PDZRN4: variants seen among roughly 807,000 people sequenced by gnomAD.
PDZRN4 encodes the protein PDZ domain containing ring finger 4.
A neutral mutation model predicts 99.0 loss-of-function variants in PDZRN4; 70 were observed. The observed-to-expected ratio is 0.71, with a 90% CI of 0.58 to 0.86. The LOEUF (loss-of-function observed/expected upper bound fraction) is 0.86. Ranked by LOEUF, PDZRN4 falls within the 40% of genes least tolerant of loss-of-function variation. PDZRN4 has a pLI of 0.00. For missense variants in PDZRN4, 1,474 were observed against 1,331.2 expected (o/e 1.11, Z -1.67); for synonymous variants, 551 against 501.6 (o/e 1.10, Z -1.32).
chr12:41,508,888 T>G (rs887295338), intron 4 of PDZRN4, among the ~76,000 whole-genome samples: 2 of 152,150 alleles, frequency 1.3e-5, no homozygotes, highest in South Asian at 4.1e-4. Context: ...AGATCCACAC[T>G]GGCAGGAGTT....
At chr12:41,548,661 G>A (rs974638783) in intron 5 of PDZRN4, among the ~76,000 whole-genome samples, 13 of 152,152 alleles carry the variant, frequency 8.5e-5, no homozygotes, top group Non-Finnish European at 1.6e-4. Flanking sequence ...TAAAGTTTGA[G>A]AACAATGCTG....
chr12:41,382,830 C>T (rs1202951720), intron 3 of PDZRN4, among the ~76,000 whole-genome samples: 1 of 152,152 alleles, frequency 6.6e-6, no homozygotes, highest in African/African-American at 2.4e-5. Flanking sequence ...GAAAGGGCTA[C>T]TACTAAAGAA....
At chr12:41,275,148 G>C (rs1951342353) in intron 3 of PDZRN4, among the ~76,000 whole-genome samples, 1 of 152,128 alleles carries the variant, frequency 6.6e-6, no homozygotes, top group African/African-American at 2.4e-5. Flanking sequence ...CTCTGGAAGG[G>C]AGAGTGGATA....
chr12:41,411,190 C>T (rs1001965072), intron 3 of PDZRN4, among the ~76,000 whole-genome samples: 12 of 151,936 alleles, frequency 7.9e-5, no homozygotes, highest in Non-Finnish European at 1.2e-4. Context: ...CATGAGCCAC[C>T]GTGCCCAGCC....
rs374061410 is a variant in PDZRN4, at chr12:41,448,064, A to T, written c.844-58392A>T. On this transcript the variant is annotated intron_variant, in intron 3 of 9. Transcript: ENST00000402685. ...CTTTCCCCATCATTTTAGTAACTTC[A>T]GTGAAATTATCTCACCTATGAGAGC... 1.8e-3 allele frequency among the ~76,000 whole-genome samples: 274 copies of T among 152,242 alleles called. 1 individual carries two copies. The highest frequency in any genetic ancestry group is 5.8e-3 in the African/African-American group (241 of 41,546).
At chr12:41,227,361 C>A (rs193051982) in intron 3 of PDZRN4, among the ~76,000 whole-genome samples, 1 of 152,062 alleles carries the variant, frequency 6.6e-6, no homozygotes, top group Non-Finnish European at 1.5e-5. Context: ...AATGACCTAA[C>A]CAGTTGCAAA....
At position 41,433,703 on chromosome 12, in the gene PDZRN4, T is replaced by G. The variant is rs376927166; in HGVS notation, c.844-72753T>G. 3.3e-5 allele frequency among the ~76,000 whole-genome samples: 5 copies of G among 152,292 alleles called. No homozygotes were observed. The South Asian group carries it at 1.0e-3, about 32-fold the overall frequency. ...GGCATAAGCAAGCCATCATCTGAAA[T>G]TTATGACAGCTGTCACAGGCTCAAT... On this transcript the variant is annotated intron_variant, in intron 3 of 9. Coordinates refer to ENST00000402685, the MANE Select transcript of PDZRN4 (RefSeq NM_001164595.2).
At chr12:41,274,389 T>A (rs1279619365) in intron 3 of PDZRN4, among the ~76,000 whole-genome samples, 2 of 152,050 alleles carry the variant, frequency 1.3e-5, no homozygotes, top group Non-Finnish European at 2.9e-5. Flanking sequence ...ATATATAGAG[T>A]TGATCATTAT....
chr12:41,490,725 A>G (rs1321784738), intron 3 of PDZRN4, among the ~76,000 whole-genome samples: 1 of 151,958 alleles, frequency 6.6e-6, no homozygotes, highest in Non-Finnish European at 1.5e-5. Flanking sequence ...TTGATTTATT[A>G]ATTTATTGGC....
chr12:41,540,999 A>T (rs1266737654), intron 5 of PDZRN4, among the ~76,000 whole-genome samples: 1 of 152,020 alleles, frequency 6.6e-6, no homozygotes, highest in East Asian at 1.9e-4. Flanking sequence ...ATCTTGGCTC[A>T]CTGCAAGCTC....
At chr12:41,454,916 T>C (rs559345276) in intron 3 of PDZRN4, among the ~76,000 whole-genome samples, 3 of 152,358 alleles carry the variant, frequency 2.0e-5, no homozygotes, top group South Asian at 2.1e-4. Context: ...ACTAGCCACA[T>C]AGGACTGTTG....
At chr12:41,536,926 A>G (rs1938758842) in intron 5 of PDZRN4, among the ~76,000 whole-genome samples, 1 of 152,170 alleles carries the variant, frequency 6.6e-6, no homozygotes, top group Non-Finnish European at 1.5e-5. Flanking sequence ...CATAGTGCCT[A>G]GCAATACCTA....
chr12:41,405,722 A>G (rs1009937276), intron 3 of PDZRN4, among the ~76,000 whole-genome samples: 1 of 152,216 alleles, frequency 6.6e-6, no homozygotes, highest in Non-Finnish European at 1.5e-5. Context: ...ACTGAATTGG[A>G]TAAAGAAAAT....
intron 3 of PDZRN4, among the ~76,000 whole-genome samples, chr12:41,449,859 G>T (rs1484126025): frequency 6.6e-6 from 1 of 151,804 alleles, no homozygotes; most frequent in Non-Finnish European, 1.5e-5. Flanking sequence ...TATTTTACGT[G>T]GTTTTTGTCC....
intron 3 of PDZRN4, among the ~76,000 whole-genome samples, chr12:41,427,334 A>T (rs1165262449): frequency 6.6e-6 from 1 of 152,190 alleles, no homozygotes; most frequent in Non-Finnish European, 1.5e-5. Context: ...GCTATAACAT[A>T]TTAACTAATA....
chr12:41,252,056 C>A (rs1365390615), intron 3 of PDZRN4, among the ~76,000 whole-genome samples: 1 of 151,924 alleles, frequency 6.6e-6, no homozygotes, highest in Non-Finnish European at 1.5e-5. Flanking sequence ...ATAGAGGATG[C>A]AGTAAGCCAT....
At chr12:41,394,761 G>T (rs963215716) in intron 3 of PDZRN4, among the ~76,000 whole-genome samples, 1 of 151,264 alleles carries the variant, frequency 6.6e-6, no homozygotes, top group African/African-American at 2.5e-5. Context: ...ATGGAAGCTG[G>T]CTTCTCTTAG....
chr12:41,314,865 G>T (rs1183898478), intron 3 of PDZRN4, among the ~76,000 whole-genome samples: 1 of 151,216 alleles, frequency 6.6e-6, no homozygotes, highest in African/African-American at 2.4e-5. Flanking sequence ...CATGTCCATT[G>T]TAAGTCTTTT....
chr12:41,379,652 A>C (rs969826443), intron 3 of PDZRN4, among the ~76,000 whole-genome samples: 1 of 151,332 alleles, frequency 6.6e-6, no homozygotes, highest in African/African-American at 2.4e-5. Flanking sequence ...TATAGTTGAG[A>C]ATTTTTCAAT....
Sources: gnomAD v4.1 joint callset for allele counts (sites outside exome capture counted in the v4.1 genomes callset) on GRCh38, gnomAD v4.1.1 for gene constraint, MANE v1.5 for transcripts, NCBI Gene and HGNC (gene_info 2026-07-23, HGNC 2026-07-21) for gene names.